Variants in CCBE1 observed in about 807,000 individuals in gnomAD.
The protein encoded by CCBE1 is collagen and calcium binding EGF domains 1.
Under a neutral mutation model 50.0 loss-of-function variants are expected in CCBE1, and 37 were observed. The ratio of observed to expected loss-of-function variants is 0.74; its 90% CI spans 0.57 to 0.97. The LOEUF (loss-of-function observed/expected upper bound fraction) is 0.97, where lower values mean the gene tolerates loss of function less well. Ranked by LOEUF, CCBE1 falls within the 50% of genes least tolerant of loss-of-function variation. The pLI, the probability that CCBE1 is intolerant of heterozygous loss-of-function variation, is 0.00. For synonymous variants in CCBE1, 234 were observed against 203.7 expected (o/e 1.15, Z -1.27); for missense variants, 538 against 523.8 (o/e 1.03, Z -0.26).
intron 2 of CCBE1, among the ~76,000 whole-genome samples, chr18:59,484,409 C>G (rs977822967): frequency 1.3e-5 from 2 of 152,222 alleles, no homozygotes; most frequent in African/African-American, 2.4e-5. Context: ...AACCTCTGAG[C>G]TGTTTGATGG....
intron 2 of CCBE1, among the ~76,000 whole-genome samples, chr18:59,515,998 C>T (rs542257585): frequency 8.5e-5 from 13 of 152,266 alleles, no homozygotes; most frequent in African/African-American, 2.4e-4. Context: ...CTCACTCTGT[C>T]GCCAGGCTGG....
At chr18:59,561,256 A>G (rs1382559839) in intron 2 of CCBE1, among the ~76,000 whole-genome samples, 3 of 152,216 alleles carry the variant, frequency 2.0e-5, no homozygotes, top group Non-Finnish European at 4.4e-5. Flanking sequence ...TCAGGCCTGC[A>G]TGCCCAAAGC....
At chr18:59,543,691 C>A (rs9957244) in intron 2 of CCBE1, among the ~76,000 whole-genome samples, 32,203 of 151,888 alleles carry the variant, frequency 0.21, 3,635 homozygotes, top group Admixed American at 0.24. Flanking sequence ...GAAAATTAGC[C>A]GGGTGTGGTG....
chr18:59,569,787 AC>A, intron 2 of CCBE1, among the ~76,000 whole-genome samples: 1 of 152,226 alleles, frequency 6.6e-6, no homozygotes, highest in African/African-American at 2.4e-5. Flanking sequence ...GGTGCTCAAC[AC>A]CATGCCTAGC....
At chr18:59,436,947 G>A (rs898912103) in intron 10 of CCBE1, among the ~76,000 whole-genome samples, 4 of 152,074 alleles carry the variant, frequency 2.6e-5, no homozygotes, top group African/African-American at 9.7e-5. Flanking sequence ...ACTCCAGCCT[G>A]GGTGACAGAG....
At chr18:59,475,845 A>G (rs574493494) in intron 3 of CCBE1, among the ~76,000 whole-genome samples, 6 of 152,072 alleles carry the variant, frequency 3.9e-5, no homozygotes, top group Non-Finnish European at 7.4e-5. Context: ...CAGCCTCTGG[A>G]GTAGCTGGAA....
At chr18:59,697,681 C>CA, upstream of CCBE1, 1 of 262,132 alleles carries the variant, frequency 3.8e-6, no homozygotes, top group Non-Finnish European at 7.3e-6. Context: ...GCTGCGCCCT[C>CA]GCCTCTTCCC....
intron 2 of CCBE1, among the ~76,000 whole-genome samples, chr18:59,570,558 G>A (rs1048309030): frequency 3.9e-5 from 6 of 152,184 alleles, no homozygotes; most frequent in African/African-American, 1.4e-4. Context: ...ACAGCAGTGA[G>A]CAAGACTTGT....
At chr18:59,512,655 G>T (rs1327133159) in intron 2 of CCBE1, among the ~76,000 whole-genome samples, 1 of 152,250 alleles carries the variant, frequency 6.6e-6, no homozygotes, top group Non-Finnish European at 1.5e-5. Flanking sequence ...CCATAGTGGG[G>T]AGTCTCCACT....
chr18:59,547,409 G>C (rs990671383), intron 2 of CCBE1, among the ~76,000 whole-genome samples: 1 of 152,144 alleles, frequency 6.6e-6, no homozygotes, highest in Non-Finnish European at 1.5e-5. Context: ...AAAGAGCCCT[G>C]TTTTCAAGAT....
At chr18:59,502,682 C>G (rs1236186736) in intron 2 of CCBE1, among the ~76,000 whole-genome samples, 1 of 151,716 alleles carries the variant, frequency 6.6e-6, no homozygotes, top group Non-Finnish European at 1.5e-5. Flanking sequence ...CTAATTTCCT[C>G]CCCCTCCCCC....
intron 2 of CCBE1, among the ~76,000 whole-genome samples, chr18:59,483,753 G>A (rs1250505828): frequency 1.3e-5 from 2 of 152,142 alleles, no homozygotes; most frequent in African/African-American, 4.8e-5. Context: ...GCAATGCAGT[G>A]GTGGTAGATA....
chr18:59,694,150 A>G (rs908067003), intron 2 of CCBE1, among the ~76,000 whole-genome samples: 11 of 152,044 alleles, frequency 7.2e-5, no homozygotes, highest in African/African-American at 2.7e-4. Context: ...GATTACAGGC[A>G]TGAGCCACCG....
chr18:59,471,198 C>T (rs1311146238), intron 3 of CCBE1, among the ~76,000 whole-genome samples: 1 of 152,228 alleles, frequency 6.6e-6, no homozygotes, highest in Non-Finnish European at 1.5e-5. Context: ...TGGTGCCTAA[C>T]AAGGCAGTTC....
At chr18:59,628,600 A>T (rs1310211738) in intron 2 of CCBE1, among the ~76,000 whole-genome samples, 1 of 152,210 alleles carries the variant, frequency 6.6e-6, no homozygotes, top group East Asian at 1.9e-4. Context: ...GGGAGTCATA[A>T]GATATGACGG....
chr18:59,618,567 G>A (rs977918900), intron 2 of CCBE1, among the ~76,000 whole-genome samples: 2 of 151,792 alleles, frequency 1.3e-5, no homozygotes, highest in Non-Finnish European at 2.9e-5. Context: ...CCTGAGTAGC[G>A]GGGACTACAG....
rs1418488107 is a variant in CCBE1 at position 59,433,776 on chromosome 18, TTG to T, written c.*2130_*2131del. 4.6e-5 allele frequency: 7 copies of T among 151,782 alleles called. No individual in the cohort carries two copies. Among genetic ancestry groups the T allele is most frequent in the African/African-American group, 1.7e-4 (7 of 41,252 alleles). 9.4% of individuals were successfully genotyped at this position (151,782 alleles called of 1,614,324 possible). ...CCCACCACCACGCCCGACTAATTTT[TTG>T]TGTTTTTAGTAGAGACAGGGTTTCA... On this transcript the variant is annotated 3_prime_UTR_variant, in exon 11 of 11. Coordinates refer to ENST00000439986, the MANE Select transcript of CCBE1 (RefSeq NM_133459.4).
At chr18:59,567,465 A>G (rs1302211517) in intron 2 of CCBE1, among the ~76,000 whole-genome samples, 4 of 152,188 alleles carry the variant, frequency 2.6e-5, no homozygotes, top group African/African-American at 9.6e-5. Context: ...ATTTCATTAG[A>G]CATTTCTTGC....
At chr18:59,482,795 T>A (rs1311811578) in intron 2 of CCBE1, among the ~76,000 whole-genome samples, 1 of 151,858 alleles carries the variant, frequency 6.6e-6, no homozygotes, top group African/African-American at 2.4e-5. Context: ...TCATCATATA[T>A]GAGAAGCTGA....
Sources: gnomAD v4.1 joint callset for allele counts (sites outside exome capture counted in the v4.1 genomes callset) on GRCh38, gnomAD v4.1.1 for gene constraint, MANE v1.5 for transcripts, NCBI Gene and HGNC (gene_info 2026-07-23, HGNC 2026-07-21) for gene names.